Variants in EPB41 observed in about 807,000 individuals in gnomAD.
The protein encoded by EPB41 is erythrocyte membrane protein band 4.1, also known as protein 4.1.
EPB41 carries 65 observed loss-of-function variants against 108.0 expected under a neutral mutation model. The ratio of observed to expected loss-of-function variants is 0.60; its 90% CI spans 0.49 to 0.74. The LOEUF is 0.74. Among genes scored for constraint, EPB41 ranks in the 30% least tolerant of loss-of-function variants. The pLI is 0.00. For missense variants in EPB41, 875 were observed against 1,037.0 expected, an observed-to-expected ratio of 0.84 and a Z score of 2.15; for synonymous variants, 336 against 358.9, an observed-to-expected ratio of 0.94 and a Z score of 0.72.
chr1:29,084,803 G>C (rs907319244), intron 16 of EPB41, among the ~76,000 whole-genome samples: 1 of 152,156 alleles, frequency 6.6e-6, no homozygotes, highest in Non-Finnish European at 1.5e-5. Context: ...TAGCCTCATA[G>C]TATACCCATT....
intron 11 of EPB41, among the ~76,000 whole-genome samples, chr1:29,044,537 A>G (rs573798511): frequency 6.6e-6 from 1 of 152,254 alleles, no homozygotes; most frequent in South Asian, 2.1e-4. Flanking sequence ...TTCTTGCTAC[A>G]GTGTATTTAA....
At chr1:29,107,605 C>A (rs1014773563) in intron 17 of EPB41, among the ~76,000 whole-genome samples, 1 of 151,924 alleles carries the variant, frequency 6.6e-6, no homozygotes, top group Non-Finnish European at 1.5e-5. Flanking sequence ...GTAATCTCAG[C>A]TCTTTGGGAG....
intron 17 of EPB41, among the ~76,000 whole-genome samples, chr1:29,104,910 C>T (rs891542400): frequency 6.6e-6 from 1 of 151,442 alleles, no homozygotes; most frequent in East Asian, 1.9e-4. Flanking sequence ...TTTTTGTACA[C>T]ACGGGACTCA....
chr1:29,105,291 G>A (rs933280062), intron 17 of EPB41, among the ~76,000 whole-genome samples: 4 of 152,134 alleles, frequency 2.6e-5, no homozygotes, highest in African/African-American at 4.8e-5. Context: ...CTGCTGGAGT[G>A]CAGTAGTACC....
At chr1:28,943,195 C>A (rs2094363127) in intron 1 of EPB41, among the ~76,000 whole-genome samples, 1 of 152,078 alleles carries the variant, frequency 6.6e-6, no homozygotes, top group African/African-American at 2.4e-5. Context: ...TCCATAATAA[C>A]AGTTCCTTTG....
chr1:28,938,865 G>A (rs537775472), intron 1 of EPB41, among the ~76,000 whole-genome samples: 1 of 152,280 alleles, frequency 6.6e-6, no homozygotes, highest in African/African-American at 2.4e-5. Flanking sequence ...GTTAGAACTA[G>A]TAGTTTTTTT....
intron 7 of EPB41, among the ~76,000 whole-genome samples, chr1:29,021,892 C>T (rs1203127362): frequency 6.6e-6 from 1 of 152,102 alleles, no homozygotes; most frequent in African/African-American, 2.4e-5. Context: ...GCCATCTTTT[C>T]TATAAAACAC....
intron 15 of EPB41, among the ~76,000 whole-genome samples, chr1:29,063,045 T>A (rs1646815883): frequency 6.6e-6 from 1 of 152,230 alleles, no homozygotes; most frequent in East Asian, 1.9e-4. Flanking sequence ...ATCTCTTGCT[T>A]ATTTTTGTTT....
chr1:29,036,345 C>A (rs953881609), intron 10 of EPB41, among the ~76,000 whole-genome samples: 5 of 150,440 alleles, frequency 3.3e-5, no homozygotes, highest in African/African-American at 1.2e-4. Flanking sequence ...CTGCAACCTC[C>A]GCCTCCCGGG....
intron 11 of EPB41, among the ~76,000 whole-genome samples, chr1:29,044,614 G>A (rs1443411217): frequency 6.6e-6 from 1 of 152,154 alleles, no homozygotes; most frequent in Non-Finnish European, 1.5e-5. Flanking sequence ...GGCTGAGGCG[G>A]GCGGATCATT....
intron 10 of EPB41, among the ~76,000 whole-genome samples, chr1:29,037,853 C>T (rs1466193216): frequency 4.1e-5 from 6 of 146,956 alleles, no homozygotes; most frequent in Admixed American, 6.8e-5. Flanking sequence ...TTTTTAAGAA[C>T]GTTTCTTTAT....
chr1:29,096,722 A>G (rs977187434), intron 16 of EPB41: 1 of 391,866 alleles, frequency 2.6e-6, no homozygotes, highest in Non-Finnish European at 3.5e-6. Context: ...GCTGTTTTCA[A>G]AATCACAGAC....
intron 4 of EPB41, among the ~76,000 whole-genome samples, chr1:29,004,120 C>G (rs1231770288): frequency 6.6e-6 from 1 of 152,164 alleles, no homozygotes; most frequent in African/African-American, 2.4e-5. Flanking sequence ...TCAAAATTGT[C>G]AGTTAAATAG....
intron 16 of EPB41, 183 bp downstream of exon 16, chr1:29,065,341 C>T: frequency 1.7e-6 from 2 of 1,157,888 alleles, no homozygotes; most frequent in South Asian, 2.2e-5. Flanking sequence ...AGGTAGGCTA[C>T]CCAGTGCAAT....
intron 7 of EPB41, among the ~76,000 whole-genome samples, chr1:29,026,003 G>A (rs1325998778): frequency 6.6e-6 from 1 of 152,138 alleles, no homozygotes; most frequent in African/African-American, 2.4e-5. Context: ...ATCCATACAG[G>A]GTGGTGCTTG....
intron 1 of EPB41, among the ~76,000 whole-genome samples, chr1:28,924,887 C>T (rs1396776991): frequency 3.3e-5 from 5 of 152,066 alleles, no homozygotes; most frequent in Non-Finnish European, 1.5e-5. Flanking sequence ...GCCTCAACCT[C>T]CTGGGCTCAA....
At chr1:29,114,469 A>G (rs969968588) in intron 19 of EPB41, among the ~76,000 whole-genome samples, 1 of 151,786 alleles carries the variant, frequency 6.6e-6, no homozygotes, top group African/African-American at 2.4e-5. Flanking sequence ...GTGGCAAAAC[A>G]CTGTCTCTAC....
intron 1 of EPB41, among the ~76,000 whole-genome samples, chr1:28,890,239 T>C (rs1276802124): frequency 6.6e-6 from 1 of 151,976 alleles, no homozygotes; most frequent in Admixed American, 6.6e-5. Context: ...GATTTTGCCA[T>C]GTTGGCCAGG....
chr1:29,093,492 A>G (rs1468998214), intron 16 of EPB41, among the ~76,000 whole-genome samples: 1 of 152,116 alleles, frequency 6.6e-6, no homozygotes, highest in African/African-American at 2.4e-5. Context: ...CCAATTCTGT[A>G]GGTTGTTTAC....
Sources: allele counts gnomAD v4.1 joint callset (sites outside exome capture counted in the v4.1 genomes callset), GRCh38; gene constraint gnomAD v4.1.1; transcripts MANE v1.5; gene names NCBI Gene and HGNC (gene_info 2026-07-23, HGNC 2026-07-21).